CYRIB: variants seen among roughly 807,000 people sequenced by gnomAD.
CYRIB encodes CYFIP related Rac1 interactor B, also known as CYFIP-related Rac1 interactor B.
CYRIB carries 8 observed loss-of-function variants against 44.2 expected under a neutral mutation model. That is an observed-to-expected ratio of 0.18 (90% CI 0.11 to 0.33). The LOEUF is 0.33. Among genes scored for constraint, CYRIB ranks in the 10% least tolerant of loss-of-function variants. The pLI is 1.00. For synonymous variants in CYRIB, 131 were observed against 127.2 expected (o/e 1.03, Z -0.20); for missense variants, 185 against 382.8 (o/e 0.48, Z 4.31).
intron 1 of CYRIB, among the ~76,000 whole-genome samples, chr8:129,931,783 C>T (rs1314363237): frequency 6.6e-6 from 1 of 151,766 alleles, no homozygotes; most frequent in Non-Finnish European, 1.5e-5. Flanking sequence ...TGCACCACCA[C>T]ACCCAGCTAA....
At chr8:129,896,248 G>C (rs1166654627) in intron 2 of CYRIB, among the ~76,000 whole-genome samples, 8 of 152,044 alleles carry the variant, frequency 5.3e-5, no homozygotes, top group African/African-American at 1.9e-4. Context: ...CTAAACTAAG[G>C]GCATCCCATA....
chr8:129,930,956 G>C (rs573190610), intron 1 of CYRIB, among the ~76,000 whole-genome samples: 1 of 151,402 alleles, frequency 6.6e-6, no homozygotes, highest in African/African-American at 2.4e-5. Flanking sequence ...AAAAAAACTC[G>C]GTAAATATAT....
In CYRIB at chr8:129,852,287, A is replaced by C; in HGVS notation, c.517-9T>G. 6.6e-7 allele frequency: 1 copy of C among 1,514,374 alleles called. No individual in the cohort carries two copies. The highest frequency in any genetic ancestry group is 8.9e-7 in the Non-Finnish European group (1 of 1,120,806). 93.8% of individuals were successfully genotyped at this position (1,514,374 alleles called of 1,614,324 possible). On this transcript the variant is annotated splice_polypyrimidine_tract_variant and intron_variant, in intron 7 of 11. Coordinates refer to ENST00000519824, the Ensembl canonical transcript of CYRIB. ...TCATTTTCTCCTTCTGCCTGTGGGGAAGGTAAAAGCACTGGATGTTAGTTC... is the reference window on the plus strand; with the variant it reads ...TCATTTTCTCCTTCTGCCTGTGGGGCAGGTAAAAGCACTGGATGTTAGTTC...
intron 1 of CYRIB, among the ~76,000 whole-genome samples, chr8:129,920,771 C>G (rs2083143553): frequency 6.6e-6 from 1 of 152,112 alleles, no homozygotes; most frequent in Admixed American, 6.5e-5. Flanking sequence ...TTTAGAAATT[C>G]CCCTATCCCC....
intron 2 of CYRIB, among the ~76,000 whole-genome samples, chr8:129,898,463 C>T (rs1221128076): frequency 3.9e-5 from 6 of 152,076 alleles, no homozygotes; most frequent in Admixed American, 6.5e-5. Context: ...AAAATGTATG[C>T]TTATTAGGAA....
intron 4 of CYRIB, chr8:129,864,830 C>T (rs1249781059): frequency 1.6e-5 from 7 of 440,432 alleles, no homozygotes; most frequent in Non-Finnish European, 2.7e-5. Context: ...GAAGATTCCA[C>T]GTACACATTT....
chr8:129,842,790 G>A (rs1198043793), intron 11 of CYRIB, among the ~76,000 whole-genome samples: 2 of 152,214 alleles, frequency 1.3e-5, no homozygotes, highest in Non-Finnish European at 2.9e-5. Flanking sequence ...AGCTGTAACA[G>A]AAACCATGTG....
chr8:129,925,991 TACA>T (rs759527774), intron 1 of CYRIB, among the ~76,000 whole-genome samples: 1 of 152,244 alleles, frequency 6.6e-6, no homozygotes, highest in African/African-American at 2.4e-5. Flanking sequence ...TGAAACCTTT[TACA>T]ACAACAGATG....
intron 2 of CYRIB, among the ~76,000 whole-genome samples, chr8:129,969,877 C>A (rs549817776): frequency 6.6e-6 from 1 of 152,184 alleles, no homozygotes; most frequent in Non-Finnish European, 1.5e-5. Context: ...AAGAGAGACG[C>A]CCATTGGGTG....
rs142903470 is a variant in CYRIB at position 129,897,721 on chromosome 8, G to A, written c.-11+5591C>T. ...AGGTGGAGGTGGGAGGATTGCTTGA[G>A]CCCAGGAGTTCGAGACCAGCCTGGG... On this transcript the variant is annotated intron_variant, in intron 2 of 11. Coordinates refer to ENST00000519824, the Ensembl canonical transcript of CYRIB. 4.6e-4 allele frequency among the ~76,000 whole-genome samples: 69 copies of A among 151,418 alleles called. No homozygotes were observed. In the South Asian group the frequency reaches 0.01, roughly 22 times the overall value.
intron 2 of CYRIB, among the ~76,000 whole-genome samples, chr8:129,883,395 G>A (rs987957446): frequency 4.6e-5 from 7 of 151,928 alleles, no homozygotes; most frequent in African/African-American, 1.5e-4. Flanking sequence ...GTTGTCCAGC[G>A]CAAAAATTCG....
At chr8:129,933,612 G>A (rs1251669654) in intron 1 of CYRIB, among the ~76,000 whole-genome samples, 3 of 152,086 alleles carry the variant, frequency 2.0e-5, no homozygotes, top group Admixed American at 6.5e-5. Flanking sequence ...GCGGTGGCTC[G>A]CGCACCTGTG....
In CYRIB at chr8:129,920,257, CAT is replaced by C. The variant is rs1169364464; in HGVS notation, c.-49-16909_-49-16908del. Among the ~76,000 whole-genome samples, 5 of 152,098 alleles carry C rather than the reference CAT, an allele frequency of 3.3e-5. No homozygotes were observed. In the East Asian group the frequency reaches 9.6e-4, roughly 29 times the overall value. On this transcript the variant is annotated intron_variant, in intron 1 of 11. Coordinates refer to ENST00000519824, the Ensembl canonical transcript of CYRIB. Reference sequence around the variant, plus strand: ...TTCTCCTCTTTTAAAAACTACCTTACATGTCTTATGAGCTTTTCTCCCAAGTG... The same window carrying C: ...TTCTCCTCTTTTAAAAACTACCTTACGTCTTATGAGCTTTTCTCCCAAGTG...
chr8:129,865,988 T>C (rs981236393), intron 4 of CYRIB, among the ~76,000 whole-genome samples: 10 of 152,218 alleles, frequency 6.6e-5, no homozygotes, highest in African/African-American at 2.4e-4. Flanking sequence ...CAGAAGCATG[T>C]ACATCATTCT....
At chr8:129,891,510 A>G (rs1172181673) in intron 2 of CYRIB, among the ~76,000 whole-genome samples, 1 of 152,222 alleles carries the variant, frequency 6.6e-6, no homozygotes, top group East Asian at 1.9e-4. Flanking sequence ...GTACAACAGG[A>G]TTCAGGTATT....
At chr8:129,961,428 G>A (rs1025916658) in intron 2 of CYRIB, among the ~76,000 whole-genome samples, 44 of 152,138 alleles carry the variant, frequency 2.9e-4, no homozygotes, top group Non-Finnish European at 5.9e-5. Flanking sequence ...GTCCCTTTAG[G>A]AGCAGCATCC....
chr8:129,850,839 T>C (rs1006387618), exon 9 of CYRIB: 1 of 1,610,716 alleles, frequency 6.2e-7, no homozygotes, highest in Non-Finnish European at 8.5e-7. Flanking sequence ...ACTCACGGTG[T>C]TTCCAGCATG....
chr8:129,924,298 G>GC lies in CYRIB; in HGVS notation c.-50+15309_-50+15310insG. Among the ~76,000 whole-genome samples the GC allele has an allele frequency of 7.1e-5, 7 of 98,598 alleles. 2 individuals carry two copies. Among genetic ancestry groups the GC allele is most frequent in the Admixed American group, 7.1e-4 (7 of 9,860 alleles). The allele number at this position is 98,598 out of a possible 152,430, so 64.7% of individuals were successfully genotyped here. ...CAAAAAAAAAAAAAAAACCGGGGGG[G>GC]GGGGGGGTGGCGGGGGGGGTGTTAC... On this transcript the variant is annotated intron_variant, in intron 1 of 11. Transcript: ENST00000519824.
intron 2 of CYRIB, among the ~76,000 whole-genome samples, chr8:129,969,196 T>C (rs932541901): frequency 3.9e-5 from 6 of 152,072 alleles, no homozygotes; most frequent in African/African-American, 1.4e-4. Context: ...GTATTTTCAG[T>C]AGAGACAGGC....
Sources: gnomAD v4.1 joint callset for allele counts (sites outside exome capture counted in the v4.1 genomes callset) on GRCh38, gnomAD v4.1.1 for gene constraint, MANE v1.5 for transcripts, NCBI Gene and HGNC (gene_info 2026-07-23, HGNC 2026-07-21) for gene names.